SIDT2: variants seen among roughly 807,000 people sequenced by gnomAD.
SIDT2 encodes SID1 transmembrane family, member 2.
Under a neutral mutation model 114.4 loss-of-function variants are expected in SIDT2, and 68 were observed. That is an observed-to-expected ratio of 0.59 (90% CI 0.49 to 0.73). The LOEUF (loss-of-function observed/expected upper bound fraction) is 0.73, where lower values mean the gene tolerates loss of function less well. Among genes scored for constraint, SIDT2 ranks in the 30% least tolerant of loss-of-function variants. The pLI, the probability that SIDT2 is intolerant of heterozygous loss-of-function variation, is 0.00. For synonymous variants in SIDT2, 470 were observed against 438.4 expected (o/e 1.07, Z -0.90); for missense variants, 918 against 1,097.1 (o/e 0.84, Z 2.31).
intron 1 of SIDT2, among the ~76,000 whole-genome samples, chr11:117,180,368 T>G (rs549873330): frequency 6.6e-6 from 1 of 152,224 alleles, no homozygotes; most frequent in East Asian, 1.9e-4. Flanking sequence ...CTAAAGGCAC[T>G]GGAGAGCTGT....
intron 23 of SIDT2, among the ~76,000 whole-genome samples, 171 bp downstream of exon 23, chr11:117,193,429 A>G (rs1404904890): frequency 6.6e-6 from 1 of 152,186 alleles, no homozygotes; most frequent in Non-Finnish European, 1.5e-5. Context: ...CTGCAGCCCA[A>G]AGACCATTTA....
At position 117,192,384 on chromosome 11, in the gene SIDT2, G is replaced by A. The variant is rs753932325; in HGVS notation, c.1981+22G>A. ...CTGGGTAAGGGCACGCCCGGGGCAG[G>A]GCCTGGGGGAGGGGTCTGGGGGGCC... On this transcript the variant is annotated intron_variant, in intron 20 of 25. Transcript: ENST00000324225. The surrounding 1 kb of genome is among the most constrained non-coding windows in gnomAD (Gnocchi z 5.9). 1.3e-6 allele frequency: 2 copies of A among 1,512,224 alleles called. No individual in the cohort carries two copies. Among genetic ancestry groups the A allele is most frequent in the East Asian group, 4.5e-5 (2 of 44,384 alleles). 93.7% of individuals were successfully genotyped at this position (1,512,224 alleles called of 1,614,324 possible).
At chr11:117,195,114 A>AAAAAG (rs2030850229) in intron 24 of SIDT2, among the ~76,000 whole-genome samples, 3 of 144,702 alleles carry the variant, frequency 2.1e-5, no homozygotes, top group Non-Finnish European at 4.5e-5. Context: ...AAAAAAAAAA[A>AAAAAG]GTCTTGGGTA....
intron 1 of SIDT2, chr11:117,179,701 T>G: frequency 2.1e-6 from 1 of 484,362 alleles, no homozygotes; most frequent in Admixed American, 3.8e-5. Flanking sequence ...CTTCCATCAG[T>G]TGTGGTCTGA....
rs375272942 is a variant in SIDT2, at chr11:117,186,079, G to A, written c.869-51G>A. ...ATGAAGGCCTTTGGGTGCCATGATG[G>A]GAGGTGGTGGAAGGTTTTGACCTGT... On this transcript the variant is annotated intron_variant, in intron 8 of 25. Coordinates refer to ENST00000324225, the MANE Select transcript of SIDT2 (RefSeq NM_001040455.2). 77 of 1,496,400 alleles carry A rather than the reference G, an allele frequency of 5.1e-5. No individual in the cohort carries two copies. The African/African-American group carries it at 7.9e-4, about 15-fold the overall frequency. 92.7% of individuals were successfully genotyped at this position (1,496,400 alleles called of 1,614,324 possible).
At chr11:117,189,072 C>T (rs1459564146) in intron 13 of SIDT2, 97 bp from the exon 14 acceptor site, 2 of 1,298,416 alleles carry the variant, frequency 1.5e-6, no homozygotes, top group East Asian at 4.6e-5. Flanking sequence ...CTGAATTCGG[C>T]CCTGTGTGAG....
At position 117,193,240 on chromosome 11, in the gene SIDT2, C is replaced by G. The variant is rs1389165240; in HGVS notation, c.2193C>G (p.Ala731=). 14 of 1,613,912 alleles carry G rather than the reference C, an allele frequency of 8.7e-6. No homozygotes were observed. The highest frequency in any genetic ancestry group is 1.1e-5 in the Non-Finnish European group (13 of 1,179,850). The change falls in exon 23 of 26, where the codon GCC becomes GCG. Residue 731 remains alanine (A), a synonymous_variant. Transcript: ENST00000324225. ...IGICNLLLYF[A]FYIIMKLRSG... The stretch of plus-strand genomic sequence containing the variant: ...TCTGCAACCTGCTCCTTTACTTCGC[C>G]TTCTACATCATCATGAAGGTGAGTG...
rs1048745015 is a variant in SIDT2 at position 117,190,045 on chromosome 11, G to A, written c.1493+20G>A. 4.3e-6 allele frequency: 7 copies of A among 1,613,924 alleles called. No individual in the cohort carries two copies. The African/African-American group carries it at 5.3e-5, about 12-fold the overall frequency. On this transcript the variant is annotated intron_variant, in intron 16 of 25. Transcript: ENST00000324225. This position sits in a 1 kb window ranked among gnomAD's most constrained non-coding sequence, Gnocchi z 4.1. ...TCTCAGGTGGGGGTCATGCTGGGAG[G>A]CCCCTTGTCCAGGCCAAGGGTGAAA...
In SIDT2 at chr11:117,192,277, G is replaced by A. The variant is rs760539084; in HGVS notation, c.1896G>A (p.Ala632=). Residue 632 remains alanine (A), a synonymous_variant, in exon 20 of 26, where the codon GCG becomes GCA. Coordinates refer to ENST00000324225, the MANE Select transcript of SIDT2 (RefSeq NM_001040455.2). This position sits in a 1 kb window ranked among gnomAD's most constrained non-coding sequence, Gnocchi z 5.9. The stretch of plus-strand genomic sequence containing the variant: ...AGGTCTTTGGCAAAGGGAACACGGC[G>A]TTCTGGATCGTCTTCTCCATCATTC... The part of the protein sequence containing the change: ...LGVVFGKGNT[A]FWIVFSIIHI... 8.7e-6 allele frequency: 14 copies of A among 1,610,962 alleles called. No individual in the cohort carries two copies. Among genetic ancestry groups the A allele is most frequent in the Non-Finnish European group, 1.2e-5 (14 of 1,177,406 alleles).
chr11:117,185,889 A>G (rs2030473312), intron 8 of SIDT2: 2 of 345,060 alleles, frequency 5.8e-6, no homozygotes, highest in African/African-American at 6.3e-5. Flanking sequence ...AAAAAAAAAA[A>G]AAAAAAGTAG....
At chr11:117,194,583 C>T (rs1187835373) in intron 24 of SIDT2, among the ~76,000 whole-genome samples, 1 of 152,220 alleles carries the variant, frequency 6.6e-6, no homozygotes, top group East Asian at 1.9e-4. Context: ...AGAACTAAGT[C>T]TGACATGGTC....
rs1349603909 is a variant in SIDT2 at position 117,187,682 on chromosome 11, T to A, written c.1142T>A (p.Leu381His). Residue 381 changes from leucine (L) to histidine (H), a missense_variant, in exon 12 of 26, where the codon CTC becomes CAC. This residue lies in a region of SIDT2 where 553 missense variants were observed against 600.1 expected (regional missense o/e 0.92). Transcript: ENST00000324225. ...GTTGACAGCGCTGGCACTGGGGACC[T>A]CTCTTACGGTTACCAGGGTGAGTGG... ...GLVDSAGTGD[L>H]SYGYQGRSFE... The A allele has an allele frequency of 1.9e-6, 3 of 1,613,762 alleles. No individual in the cohort carries two copies. In the South Asian group the frequency reaches 3.3e-5, roughly 18 times the overall value.
rs1403087173 is a variant in SIDT2 at position 117,192,599 on chromosome 11, C to G, written c.2007C>G (p.Leu669=). ...KLDSGIFRRI[L]HVLYTDCIRQ... is the part of the protein sequence containing the mutation. ...ACTCGGGGATCTTCCGCCGCATCCTCCACGTGCTCTACACAGACTGCATCC... is the reference window on the plus strand; with the variant it reads ...ACTCGGGGATCTTCCGCCGCATCCTGCACGTGCTCTACACAGACTGCATCC... The change falls in exon 21 of 26, where the codon CTC becomes CTG. Residue 669 remains leucine, a synonymous_variant. Coordinates refer to ENST00000324225, the MANE Select transcript of SIDT2 (RefSeq NM_001040455.2). The surrounding 1 kb of genome is among the most constrained non-coding windows in gnomAD (Gnocchi z 5.9). 52 of 1,611,042 alleles carry G rather than the reference C, an allele frequency of 3.2e-5. No homozygotes were observed. Among genetic ancestry groups the G allele is most frequent in the Non-Finnish European group, 4.0e-5 (47 of 1,180,008 alleles).
intron 10 of SIDT2, chr11:117,186,908 GATT>G: frequency 6.7e-7 from 1 of 1,483,828 alleles, no homozygotes; most frequent in Non-Finnish European, 9.1e-7. Context: ...CGGTCTCTGG[GATT>G]ATTAACCTTT....
At position 117,196,570 on chromosome 11, in the gene SIDT2, A is replaced by C; in HGVS notation, c.*504A>C. On this transcript the variant is annotated 3_prime_UTR_variant, in exon 26 of 26. Coordinates refer to ENST00000324225, the MANE Select transcript of SIDT2 (RefSeq NM_001040455.2). This position sits in a 1 kb window ranked among gnomAD's most constrained non-coding sequence, Gnocchi z 4.9. ...TCTCTTTGGGCTGTCCCTGGCTGCCATCACTGCCCATTCCAGTCAGCCAGG... is the reference window on the plus strand; with the variant it reads ...TCTCTTTGGGCTGTCCCTGGCTGCCCTCACTGCCCATTCCAGTCAGCCAGG... The C allele has an allele frequency of 5.9e-6, 1 of 170,828 alleles. No individual in the cohort carries two copies. Among genetic ancestry groups the C allele is most frequent in the Non-Finnish European group, 1.3e-5 (1 of 78,212 alleles). The allele number at this position is 170,828 out of a possible 1,614,324, so 10.6% of individuals were successfully genotyped here.
chr11:117,181,305 G>A, intron 1 of SIDT2, 111 bp from the exon 2 acceptor site: 1 of 1,511,804 alleles, frequency 6.6e-7, no homozygotes, highest in South Asian at 1.2e-5. Context: ...GCCCGACCAA[G>A]ATGGAGAAAG....
intron 15 of SIDT2, 175 bp downstream of exon 15, chr11:117,189,576 T>A: frequency 1.5e-6 from 1 of 662,054 alleles, no homozygotes; most frequent in Non-Finnish European, 2.6e-6. Flanking sequence ...ACCCTGAGTG[T>A]CAGTTTCTTC....
At chr11:117,191,368 A>T (rs1295767676) in intron 18 of SIDT2, 1 of 155,690 alleles carries the variant, frequency 6.4e-6, no homozygotes, top group Non-Finnish European at 1.4e-5. Context: ...GGGATCGCCC[A>T]AGGTGGGGAG....
intron 10 of SIDT2, chr11:117,186,960 C>T (rs527917793): frequency 1.4e-6 from 2 of 1,472,044 alleles, no homozygotes; most frequent in East Asian, 2.9e-5. Context: ...TCTTTCTGTC[C>T]TCCCTCCTGC....
Sources: allele counts gnomAD v4.1 joint callset (sites outside exome capture counted in the v4.1 genomes callset), GRCh38; gene constraint gnomAD v4.1.1; regional missense constraint gnomAD v4.1.1; non-coding constraint Gnocchi (gnomAD v3.1); transcripts MANE v1.5; gene names NCBI Gene and HGNC (gene_info 2026-07-23, HGNC 2026-07-21).